Variants in DNAH11 observed in about 807,000 individuals in gnomAD.
The protein encoded by DNAH11 is axonemal beta dynein heavy chain 11.
A neutral mutation model predicts 526.0 loss-of-function variants in DNAH11; 442 were observed. The ratio of observed to expected loss-of-function variants is 0.84; its 90% CI spans 0.78 to 0.91. The LOEUF is 0.91. Among genes scored for constraint, DNAH11 ranks in the 40% least tolerant of loss-of-function variants. DNAH11 has a pLI of 0.00. For missense variants in DNAH11, 6,989 were observed against 5,448.7 expected (o/e 1.28, Z -8.90); for synonymous variants, 2,461 against 1,935.9 (o/e 1.27, Z -7.12).
At chr7:21,824,011 A>G (rs1339255398) in intron 65 of DNAH11, among the ~76,000 whole-genome samples, 1 of 151,808 alleles carries the variant, frequency 6.6e-6, no homozygotes, top group Non-Finnish European at 1.5e-5. Context: ...TCCTGTATAA[A>G]GCTAGAGGAC....
At chr7:21,701,739 G>A (rs374671827) in intron 36 of DNAH11, among the ~76,000 whole-genome samples, 27 of 152,146 alleles carry the variant, frequency 1.8e-4, no homozygotes, top group East Asian at 3.9e-4. Flanking sequence ...TTGTTTTACC[G>A]CCCACAAAAA....
chr7:21,784,283 TAGTC>T, intron 57 of DNAH11, 140 bp from the exon 58 acceptor site: 1 of 644,016 alleles, frequency 1.6e-6, no homozygotes. Context: ...AAAGGAAAAT[TAGTC>T]TGTTTAACAA....
chr7:21,869,439 G>T (rs1783415199), intron 73 of DNAH11, among the ~76,000 whole-genome samples: 1 of 151,824 alleles, frequency 6.6e-6, no homozygotes, highest in South Asian at 2.1e-4. Flanking sequence ...CAACCAGAAA[G>T]GACTAGGAAC....
intron 76 of DNAH11, among the ~76,000 whole-genome samples, chr7:21,886,547 A>C (rs957850934): frequency 1.3e-5 from 2 of 152,184 alleles, no homozygotes; most frequent in African/African-American, 4.8e-5. Flanking sequence ...ACTCCTCAGG[A>C]AAGGTCTGGG....
intron 63 of DNAH11, among the ~76,000 whole-genome samples, chr7:21,812,646 C>A (rs970951280): frequency 1.3e-5 from 2 of 151,936 alleles, no homozygotes; most frequent in African/African-American, 4.8e-5. Flanking sequence ...AGAGTGAGAC[C>A]TTATTTCAAA....
At chr7:21,816,372 G>C (rs1789790406) in intron 63 of DNAH11, 95 bp from the exon 64 acceptor site, 1 of 954,850 alleles carries the variant, frequency 1.0e-6, no homozygotes, top group African/African-American at 1.6e-5. Context: ...TGTTTACCTA[G>C]GGTTACTTTC....
intron 68 of DNAH11, among the ~76,000 whole-genome samples, chr7:21,856,810 A>G (rs1782868485): frequency 6.6e-6 from 1 of 152,136 alleles, no homozygotes; most frequent in South Asian, 2.1e-4. Flanking sequence ...CCAACTCTCA[A>G]CTAATGAATA....
intron 54 of DNAH11, among the ~76,000 whole-genome samples, chr7:21,759,035 C>A (rs1786768189): frequency 6.6e-6 from 1 of 152,138 alleles, no homozygotes; most frequent in African/African-American, 2.4e-5. Flanking sequence ...AAAAACAAAA[C>A]AAAACTTATA....
At chr7:21,873,043 G>T (rs1205894794) in intron 73 of DNAH11, among the ~76,000 whole-genome samples, 2 of 151,132 alleles carry the variant, frequency 1.3e-5, no homozygotes, top group African/African-American at 4.9e-5. Flanking sequence ...AAGACAGTCT[G>T]TGTTGATTGG....
At chr7:21,899,528 G>A in intron 80 of DNAH11, 80 bp downstream of exon 80, 2 of 1,124,590 alleles carry the variant, frequency 1.8e-6, no homozygotes, top group Non-Finnish European at 2.6e-6. Context: ...TACCTATGAT[G>A]GCGTCTCCTT....
intron 30 of DNAH11, among the ~76,000 whole-genome samples, chr7:21,675,773 G>GC (rs1782854709): frequency 6.6e-6 from 1 of 152,154 alleles, no homozygotes; most frequent in South Asian, 2.1e-4. Context: ...ACAGATGTGG[G>GC]CCTTGCTCCT....
intron 30 of DNAH11, among the ~76,000 whole-genome samples, chr7:21,664,085 T>C (rs890022832): frequency 6.6e-6 from 1 of 151,138 alleles, no homozygotes; most frequent in East Asian, 1.9e-4. Flanking sequence ...TCAATTTACA[T>C]ACCCAATTCA....
In DNAH11 at chr7:21,868,018, G is replaced by A; in HGVS notation, c.11839+11G>A. 6.6e-7 allele frequency: 1 copy of A among 1,509,370 alleles called. No individual in the cohort carries two copies. The highest frequency in any genetic ancestry group is 8.9e-7 in the Non-Finnish European group (1 of 1,123,468). The allele number at this position is 1,509,370 out of a possible 1,614,324, so 93.5% of individuals were successfully genotyped here. A position where few individuals can be genotyped will look rare whatever the true frequency, so the allele number is the denominator to read the frequency against. On this transcript the variant is annotated intron_variant, in intron 72 of 81. Coordinates refer to ENST00000409508, the MANE Select transcript of DNAH11 (RefSeq NM_001277115.2). ...ACCTGGAGATTCTTGGTGAGTGGCT[G>A]GGAGGCTCGCTGGCCCGCCCCTTCT...
At chr7:21,635,594 G>A (rs569998393) in intron 25 of DNAH11, among the ~76,000 whole-genome samples, 1 of 151,902 alleles carries the variant, frequency 6.6e-6, no homozygotes, top group South Asian at 2.1e-4. Flanking sequence ...TTTTCTGCCT[G>A]CAATAGATGC....
intron 25 of DNAH11, among the ~76,000 whole-genome samples, chr7:21,622,432 C>T (rs995317078): frequency 3.3e-5 from 5 of 152,168 alleles, no homozygotes; most frequent in Non-Finnish European, 5.9e-5. Flanking sequence ...CCCCATCAAG[C>T]TACCAATGAC....
rs191096130 is a variant in DNAH11, at chr7:21,763,753, A to G, written c.8941-1675A>G. 2.7e-3 allele frequency among the ~76,000 whole-genome samples: 408 copies of G among 149,518 alleles called. 3 individuals are homozygous for G. Among genetic ancestry groups the G allele is most frequent in the African/African-American group, 9.3e-3 (376 of 40,396 alleles). On this transcript the variant is annotated intron_variant, in intron 54 of 81. Coordinates refer to ENST00000409508, the MANE Select transcript of DNAH11 (RefSeq NM_001277115.2). The stretch of plus-strand genomic sequence containing the variant: ...CGATAGCTGAGATATGCAAGCAACT[A>G]AAATGTCCATCAACAGGCAACTAGA...
chr7:21,606,691 T>A lies in DNAH11; in HGVS notation c.3810T>A (p.Pro1270=). The part of the protein sequence containing the change: ...EFRERFRHYA[P]LGFNAENPYT... ...GAGAGAGATTCAGACACTATGCCCC[T>A]CTTGGATTTAATGCAGAAAATCCAT... The change falls in exon 20 of 82, where the codon CCT becomes CCA. Residue 1270 remains proline, a synonymous_variant. Coordinates refer to ENST00000409508, the MANE Select transcript of DNAH11 (RefSeq NM_001277115.2). 6.3e-7 allele frequency: 1 copy of A among 1,580,192 alleles called. No homozygotes were observed. Among genetic ancestry groups the A allele is most frequent in the Admixed American group, 1.7e-5 (1 of 57,348 alleles).
In DNAH11 at chr7:21,707,813, A is replaced by C. The variant is rs1343656479; in HGVS notation, c.6661A>C (p.Thr2221Pro). ...DELFGFIHHA[T>P]REWKDGKIVY... is the part of the protein sequence containing the mutation. ...ACTCTTTGGTTTCATACATCATGCT[A>C]CCCGAGAATGGAAAGATGGCAAGTA... The change falls in exon 40 of 82, where the codon ACC becomes CCC. Residue 2221 changes from threonine to proline, a missense_variant. Transcript: ENST00000409508. The C allele has an allele frequency of 6.3e-7, 1 of 1,599,444 alleles. No homozygotes were observed. The highest frequency in any genetic ancestry group is 8.5e-7 in the Non-Finnish European group (1 of 1,174,434).
chr7:21,788,426 T>C (rs1173088056), intron 60 of DNAH11, among the ~76,000 whole-genome samples: 1 of 152,102 alleles, frequency 6.6e-6, no homozygotes, highest in Non-Finnish European at 1.5e-5. Context: ...TTGTGGTTGA[T>C]GTACGGCCTC....
Sources: gnomAD v4.1 joint callset for allele counts (sites outside exome capture counted in the v4.1 genomes callset) on GRCh38, gnomAD v4.1.1 for gene constraint, MANE v1.5 for transcripts, NCBI Gene and HGNC (gene_info 2026-07-23, HGNC 2026-07-21) for gene names.